MCC: variants seen among roughly 807,000 people sequenced by gnomAD.
MCC encodes colorectal mutant cancer protein.
A neutral mutation model predicts 116.2 loss-of-function variants in MCC; 90 were observed. The observed-to-expected ratio is 0.77, with a 90% CI of 0.65 to 0.92. MCC has a LOEUF of 0.92. Ranked by LOEUF, MCC falls within the 40% of genes least tolerant of loss-of-function variation. The pLI is 0.00. For missense variants in MCC, 1,516 were observed against 1,312.2 expected (o/e 1.16, Z -2.40); for synonymous variants, 578 against 510.5 (o/e 1.13, Z -1.78).
intron 3 of MCC, among the ~76,000 whole-genome samples, chr5:113,154,880 T>C (rs1760085962): frequency 6.6e-6 from 1 of 152,218 alleles, no homozygotes; most frequent in Non-Finnish European, 1.5e-5. Flanking sequence ...ACATTTTTCA[T>C]TTCTTTGTGC....
At chr5:113,456,706 C>T (rs866592574) in intron 1 of MCC, among the ~76,000 whole-genome samples, 6 of 143,218 alleles carry the variant, frequency 4.2e-5, no homozygotes, top group East Asian at 2.1e-4. Context: ...CTCCTGACCT[C>T]GTGATCCACC....
chr5:113,311,606 T>C (rs1767135614), intron 3 of MCC, among the ~76,000 whole-genome samples: 1 of 152,180 alleles, frequency 6.6e-6, no homozygotes, highest in Non-Finnish European at 1.5e-5. Context: ...TGAATGTCAC[T>C]GATATAGTCT....
chr5:113,404,129 A>G (rs1170729450), intron 1 of MCC, among the ~76,000 whole-genome samples: 1 of 152,056 alleles, frequency 6.6e-6, no homozygotes, highest in Non-Finnish European at 1.5e-5. Context: ...AGACTCCCAA[A>G]GTGCTGGGAT....
chr5:113,149,089 A>G (rs1759689756), intron 4 of MCC, among the ~76,000 whole-genome samples: 2 of 152,222 alleles, frequency 1.3e-5, no homozygotes, highest in South Asian at 4.1e-4. Flanking sequence ...GCCAGCTTCC[A>G]ATTAAATGCA....
At chr5:113,306,918 C>T (rs1327380593) in intron 3 of MCC, among the ~76,000 whole-genome samples, 1 of 151,982 alleles carries the variant, frequency 6.6e-6, no homozygotes, top group Non-Finnish European at 1.5e-5. Flanking sequence ...GTATTCTTTC[C>T]TCCCACTGAA....
At chr5:113,466,183 T>TA (rs1771900909) in intron 1 of MCC, among the ~76,000 whole-genome samples, 1 of 148,244 alleles carries the variant, frequency 6.7e-6, no homozygotes, top group African/African-American at 2.4e-5. Flanking sequence ...TTTTTTTTTT[T>TA]AATTTTATTA....
chr5:113,403,959 C>T (rs1179011372), intron 1 of MCC, among the ~76,000 whole-genome samples: 3 of 152,146 alleles, frequency 2.0e-5, no homozygotes, highest in South Asian at 2.1e-4. Context: ...CTCCGCCTCC[C>T]GGGTTCAAGC....
chr5:113,225,221 G>A (rs1763690163), intron 3 of MCC, among the ~76,000 whole-genome samples: 3 of 152,122 alleles, frequency 2.0e-5, no homozygotes, highest in African/African-American at 4.8e-5. Context: ...ACACTTATGT[G>A]TTTTCCTGTA....
In MCC at chr5:113,413,467, C is replaced by G. The variant is rs1045445527; in HGVS notation, c.171-28255G>C. ...TTTCAGAGCCTGTTATTGGTCTCTTCAGAGATTCAACTTCTTCCTGGTTTA... is the reference window on the plus strand; with the variant it reads ...TTTCAGAGCCTGTTATTGGTCTCTTGAGAGATTCAACTTCTTCCTGGTTTA... On this transcript the variant is annotated intron_variant, in intron 1 of 18. Transcript: ENST00000408903. Among the ~76,000 whole-genome samples, 7 of 152,178 alleles carry G rather than the reference C, an allele frequency of 4.6e-5. No individual in the cohort carries two copies. In the East Asian group the frequency reaches 1.3e-3, roughly 29 times the overall value.
At chr5:113,202,990 G>A (rs1441832487) in intron 3 of MCC, among the ~76,000 whole-genome samples, 2 of 152,178 alleles carry the variant, frequency 1.3e-5, no homozygotes, top group Admixed American at 6.5e-5. Context: ...CCAGTAAAGC[G>A]CATACAATTT....
chr5:113,417,537 A>G (rs1770188751), intron 1 of MCC, among the ~76,000 whole-genome samples: 1 of 115,546 alleles, frequency 8.7e-6, no homozygotes, highest in Admixed American at 7.3e-5. Context: ...AAAAGCCACA[A>G]CCATGACAAA....
chr5:113,049,682 G>A (rs184122215), intron 15 of MCC, among the ~76,000 whole-genome samples: 3 of 152,372 alleles, frequency 2.0e-5, no homozygotes, highest in East Asian at 3.9e-4. Context: ...GCCAGAGGCT[G>A]TAAAGTCACC....
chr5:113,098,600 T>A (rs1051919972), intron 8 of MCC, among the ~76,000 whole-genome samples: 1 of 152,156 alleles, frequency 6.6e-6, no homozygotes, highest in Non-Finnish European at 1.5e-5. Flanking sequence ...GGACCAATAA[T>A]AAAATTGCCT....
At chr5:113,032,721 A>C (rs1308286539) in intron 17 of MCC, among the ~76,000 whole-genome samples, 1 of 152,236 alleles carries the variant, frequency 6.6e-6, no homozygotes, top group South Asian at 2.1e-4. Context: ...AAGGCATTCT[A>C]AGTCACAGGA....
At chr5:113,081,096 G>A (rs1422705072) in intron 11 of MCC, among the ~76,000 whole-genome samples, 1 of 152,176 alleles carries the variant, frequency 6.6e-6, no homozygotes, top group East Asian at 1.9e-4. Context: ...TGCCAATCAT[G>A]AAGTTAAAGG....
intron 1 of MCC, among the ~76,000 whole-genome samples, chr5:113,462,671 GAAAATAC>G (rs146818001): frequency 4.5e-4 from 69 of 152,270 alleles, no homozygotes; most frequent in African/African-American, 1.6e-3. Context: ...TTATGTTCAT[GAAAATAC>G]ACTGCTTCTG....
chr5:113,121,086 G>T (rs1436649995), intron 6 of MCC, among the ~76,000 whole-genome samples: 1 of 152,082 alleles, frequency 6.6e-6, no homozygotes, highest in Admixed American at 6.5e-5. Context: ...ACCTTCAATC[G>T]GTTTCCAATC....
chr5:113,135,146 C>A (rs1440403541), intron 5 of MCC, among the ~76,000 whole-genome samples: 1 of 150,988 alleles, frequency 6.6e-6, no homozygotes, highest in Non-Finnish European at 1.5e-5. Context: ...CACCATATTG[C>A]CCAGGCTGGT....
intron 3 of MCC, among the ~76,000 whole-genome samples, chr5:113,159,303 A>T (rs1760353944): frequency 6.6e-6 from 1 of 152,216 alleles, no homozygotes; most frequent in Admixed American, 6.5e-5. Context: ...CTGGTCCCAG[A>T]AAAATCTGCT....
Sources: gnomAD v4.1 joint callset for allele counts (sites outside exome capture counted in the v4.1 genomes callset) on GRCh38, gnomAD v4.1.1 for gene constraint, MANE v1.5 for transcripts, NCBI Gene and HGNC (gene_info 2026-07-23, HGNC 2026-07-21) for gene names.